Variants in KDM4C observed in about 807,000 individuals in gnomAD.
The protein encoded by KDM4C is lysine demethylase 4C, also known as lysine-specific demethylase 4C.
A neutral mutation model predicts 129.3 loss-of-function variants in KDM4C; 81 were observed. The observed-to-expected ratio is 0.63, with a 90% confidence interval of 0.52 to 0.75. KDM4C has a LOEUF of 0.75. KDM4C is among the 30% of genes least tolerant of loss of function. The pLI is 0.00. For synonymous variants in KDM4C, 573 were observed against 456.1 expected, an observed-to-expected ratio of 1.26 and a Z score of -3.26; for missense variants, 1,457 against 1,304.0, an observed-to-expected ratio of 1.12 and a Z score of -1.81.
intron 5 of KDM4C, among the ~76,000 whole-genome samples, chr9:6,858,681 G>T (rs1315431894): frequency 6.6e-6 from 1 of 151,938 alleles, no homozygotes; most frequent in Non-Finnish European, 1.5e-5. Flanking sequence ...GCTGTAGCAT[G>T]AGAATCGCTT....
intron 17 of KDM4C, among the ~76,000 whole-genome samples, chr9:7,052,898 A>AGACAGC (rs1554718545): frequency 9.7e-4 from 46 of 47,610 alleles, no homozygotes; most frequent in African/African-American, 2.1e-3. Flanking sequence ...AGAGAGAGAG[A>AGACAGC]GAGCGAGCGA....
chr9:6,918,058 A>C (rs1035807575), intron 8 of KDM4C, among the ~76,000 whole-genome samples: 4 of 152,158 alleles, frequency 2.6e-5, no homozygotes, highest in African/African-American at 9.7e-5. Flanking sequence ...GTAGATGTGC[A>C]GGTTTGTTAC....
chr9:6,920,254 TG>T (rs773270726), intron 8 of KDM4C, among the ~76,000 whole-genome samples: 1 of 152,120 alleles, frequency 6.6e-6, no homozygotes, highest in Non-Finnish European at 1.5e-5. Context: ...CCATGACTCA[TG>T]AGTCCCATGG....
At chr9:7,083,235 C>G (rs977512788) in intron 17 of KDM4C, among the ~76,000 whole-genome samples, 1 of 152,188 alleles carries the variant, frequency 6.6e-6, no homozygotes, top group African/African-American at 2.4e-5. Context: ...GCATTATATA[C>G]TTACTGGTTG....
At chr9:6,914,504 G>C (rs2131120719) in intron 8 of KDM4C, among the ~76,000 whole-genome samples, 1 of 152,328 alleles carries the variant, frequency 6.6e-6, no homozygotes, top group East Asian at 1.9e-4. Context: ...GAGGGGTGCA[G>C]AGGTATTGGA....
intron 2 of KDM4C, among the ~76,000 whole-genome samples, chr9:6,795,862 A>C (rs768377964): frequency 2.7e-5 from 4 of 149,986 alleles, no homozygotes; most frequent in African/African-American, 4.9e-5. Flanking sequence ...TGTAGAGCCA[A>C]GGTTTCACCA....
intron 15 of KDM4C, among the ~76,000 whole-genome samples, chr9:7,021,078 C>A (rs1449017589): frequency 4.0e-5 from 6 of 151,144 alleles, no homozygotes; most frequent in Non-Finnish European, 8.8e-5. Flanking sequence ...TGGTTGAGCA[C>A]CTTTTCATAC....
At chr9:7,052,573 T>C (rs1249837773) in intron 17 of KDM4C, among the ~76,000 whole-genome samples, 2 of 152,218 alleles carry the variant, frequency 1.3e-5, no homozygotes, top group Admixed American at 1.3e-4. Flanking sequence ...ATTACTTTAC[T>C]TATCTGCATC....
At chr9:7,172,600 G>C (rs1038889905) in intron 21 of KDM4C, among the ~76,000 whole-genome samples, 4 of 152,218 alleles carry the variant, frequency 2.6e-5, no homozygotes, top group Non-Finnish European at 4.4e-5. Flanking sequence ...TAATGATTTA[G>C]TTTTCTTCTC....
At chr9:6,884,714 T>G (rs970245520) in intron 6 of KDM4C, among the ~76,000 whole-genome samples, 1 of 152,244 alleles carries the variant, frequency 6.6e-6, no homozygotes, top group Non-Finnish European at 1.5e-5. Context: ...CTTCACCAAA[T>G]TAGTGTTTGT....
At chr9:7,091,342 A>C (rs902735587) in intron 17 of KDM4C, among the ~76,000 whole-genome samples, 2 of 152,202 alleles carry the variant, frequency 1.3e-5, no homozygotes, top group African/African-American at 4.8e-5. Context: ...AGATTTCGGC[A>C]AACTTCACAC....
chr9:7,050,266 G>A (rs1361883438), intron 17 of KDM4C, among the ~76,000 whole-genome samples: 1 of 151,784 alleles, frequency 6.6e-6, no homozygotes, highest in East Asian at 1.9e-4. Flanking sequence ...TGAGTGTTGG[G>A]CTTAGGATGC....
intron 19 of KDM4C, among the ~76,000 whole-genome samples, chr9:7,158,967 T>G (rs1843487041): frequency 6.6e-6 from 1 of 152,208 alleles, no homozygotes. Flanking sequence ...TATTATTGTG[T>G]GGGAGTCTAA....
At position 7,095,278 on chromosome 9, in the gene KDM4C, T is replaced by A. The variant is rs4271022; in HGVS notation, c.2425-8407T>A. On this transcript the variant is annotated intron_variant, in intron 17 of 21. Transcript: ENST00000381309. The stretch of plus-strand genomic sequence containing the variant: ...ATTTGAGGAACTATACACTACTCTC[T>A]GAAAAAACGTCAGCAAACCACAGCT... Among the ~76,000 whole-genome samples the A allele has an allele frequency of 1.4e-3, 207 of 152,380 alleles. 4 individuals are homozygous for A. The East Asian group carries it at 0.035, about 26-fold the overall frequency.
chr9:7,059,349 C>T (rs1031896509), intron 17 of KDM4C, among the ~76,000 whole-genome samples: 10 of 152,148 alleles, frequency 6.6e-5, no homozygotes, highest in Non-Finnish European at 1.3e-4. Context: ...GCAGTCCTCC[C>T]GCCTCGACCT....
At chr9:7,025,692 C>G (rs181373689) in intron 15 of KDM4C, among the ~76,000 whole-genome samples, 2 of 152,278 alleles carry the variant, frequency 1.3e-5, no homozygotes, top group Admixed American at 6.5e-5. Flanking sequence ...TTTGTTGTCT[C>G]TGTTTATATC....
intron 5 of KDM4C, among the ~76,000 whole-genome samples, chr9:6,873,925 AGAGAGTGAGAGAGAGC>A (rs1286883256): frequency 4.4e-5 from 6 of 137,560 alleles, no homozygotes; most frequent in African/African-American, 8.1e-5. Context: ...CGAGAGAGAG[AGAGAGTGAGAGAGAGC>A]GAGAGAGAGA....
chr9:7,102,161 A>G (rs781208059), intron 17 of KDM4C, among the ~76,000 whole-genome samples: 4 of 152,130 alleles, frequency 2.6e-5, no homozygotes, highest in Admixed American at 6.5e-5. Context: ...CCTCCACTTA[A>G]AAATGCTTAA....
At position 7,082,045 on chromosome 9, in the gene KDM4C, T is replaced by C. The variant is rs527803020; in HGVS notation, c.2425-21640T>C. ...GCCTTTGCCCCTGTGAAAAGCATCA[T>C]GGTGGCCCTGAGAACAAAGGCATCA... On this transcript the variant is annotated intron_variant, in intron 17 of 21. Coordinates refer to ENST00000381309, the MANE Select transcript of KDM4C (RefSeq NM_015061.6). 1.0e-3 allele frequency among the ~76,000 whole-genome samples: 157 copies of C among 152,312 alleles called. 1 individual carries two copies. The highest frequency in any genetic ancestry group is 3.6e-3 in the African/African-American group (151 of 41,562).
Sources: allele counts gnomAD v4.1 joint callset (sites outside exome capture counted in the v4.1 genomes callset), GRCh38; gene constraint gnomAD v4.1.1; transcripts MANE v1.5; gene names NCBI Gene and HGNC (gene_info 2026-07-23, HGNC 2026-07-21).